GLIS3: variants seen among roughly 807,000 people sequenced by gnomAD.
GLIS3 encodes the protein GLIS family zinc finger 3.
GLIS3 carries 53 observed loss-of-function variants against 78.6 expected under a neutral mutation model. That is an observed-to-expected ratio of 0.67 (90% CI 0.54 to 0.85). The LOEUF (loss-of-function observed/expected upper bound fraction) is 0.85. Among genes scored for constraint, GLIS3 ranks in the 40% least tolerant of loss-of-function variants. The pLI is 0.00. For synonymous variants in GLIS3, 684 were observed against 509.9 expected (o/e 1.34, Z -4.60); for missense variants, 1,703 against 1,231.1 (o/e 1.38, Z -5.74).
intron 2 of GLIS3, among the ~76,000 whole-genome samples, chr9:4,196,746 T>A (rs1818891374): frequency 2.0e-5 from 3 of 152,026 alleles, no homozygotes; most frequent in Admixed American, 2.0e-4. Flanking sequence ...ACCGTGAGGG[T>A]CCGCAGCTTC....
the GLIS3 span, among the ~76,000 whole-genome samples, chr9:4,462,845 A>G: frequency 6.6e-6 from 1 of 152,214 alleles, no homozygotes; most frequent in Non-Finnish European, 1.5e-5. Context: ...CTGGTCCTTC[A>G]TCCCAAATCG....
At chr9:4,239,561 C>T (rs944342444) in intron 2 of GLIS3, among the ~76,000 whole-genome samples, 4 of 152,166 alleles carry the variant, frequency 2.6e-5, no homozygotes, top group African/African-American at 9.7e-5. Context: ...ATCTTGGTAT[C>T]AAGGTTGAGA....
intron 4 of GLIS3, among the ~76,000 whole-genome samples, chr9:4,093,924 G>A (rs1019690940): frequency 6.6e-6 from 1 of 152,186 alleles, no homozygotes; most frequent in Admixed American, 6.5e-5. Context: ...CAGAAACTGT[G>A]GAATTGTAGG....
intron 2 of GLIS3, among the ~76,000 whole-genome samples, chr9:4,249,807 T>C (rs1041487673): frequency 6.6e-6 from 1 of 152,238 alleles, no homozygotes; most frequent in Non-Finnish European, 1.5e-5. Flanking sequence ...ATACCTAGCT[T>C]ATTGAGAGTT....
the GLIS3 span, among the ~76,000 whole-genome samples, chr9:4,469,782 G>C: frequency 1.3e-5 from 2 of 152,060 alleles, no homozygotes; most frequent in African/African-American, 4.8e-5. Context: ...AAATAACTAA[G>C]ATCAGAGCAG....
intron 4 of GLIS3, among the ~76,000 whole-genome samples, chr9:4,050,461 G>GA (rs1825666596): frequency 6.6e-6 from 1 of 152,128 alleles, no homozygotes; most frequent in Admixed American, 6.6e-5. Context: ...GTGGGGGTCT[G>GA]GGGGAGGGAT....
chr9:4,452,383 G>A, the GLIS3 span, among the ~76,000 whole-genome samples: 94 of 152,274 alleles, frequency 6.2e-4, no homozygotes, highest in Non-Finnish European at 1.2e-3. Flanking sequence ...AAGTCAAAAT[G>A]TCTCTGTTTG....
At position 4,228,359 on chromosome 9, in the gene GLIS3, T is replaced by C. The variant is rs12004887; in HGVS notation, c.388+57679A>G. 4.7e-3 allele frequency among the ~76,000 whole-genome samples: 719 copies of C among 152,282 alleles called. 6 individuals carry two copies. Among genetic ancestry groups the C allele is most frequent in the African/African-American group, 0.016 (671 of 41,554 alleles). The stretch of plus-strand genomic sequence containing the variant: ...GGCTGAGCCGGAGAGGGGCTGTCCA[T>C]GCGAATGTAACAGGTGAAGCTCTGA... On this transcript the variant is annotated intron_variant, in intron 2 of 10. Coordinates refer to ENST00000381971, the MANE Select transcript of GLIS3 (RefSeq NM_001042413.2).
At chr9:4,336,048 T>C (rs1011537640) in intron 2 of GLIS3, among the ~76,000 whole-genome samples, 1 of 152,156 alleles carries the variant, frequency 6.6e-6, no homozygotes, top group Non-Finnish European at 1.5e-5. Context: ...GAGTAAGTCA[T>C]TACACCTCTG....
chr9:4,005,494 A>G (rs989181895), intron 4 of GLIS3, among the ~76,000 whole-genome samples: 1 of 152,214 alleles, frequency 6.6e-6, no homozygotes, highest in African/African-American at 2.4e-5. Flanking sequence ...ATGAGTTCAA[A>G]TTCTGATTCT....
At chr9:4,419,451 T>G in the GLIS3 span, among the ~76,000 whole-genome samples, 1 of 151,820 alleles carries the variant, frequency 6.6e-6, no homozygotes, top group Non-Finnish European at 1.5e-5. Flanking sequence ...GAAGGCAAAG[T>G]GGGAGGAGCA....
At chr9:4,146,348 G>A (rs1173991622) in intron 2 of GLIS3, among the ~76,000 whole-genome samples, 2 of 152,134 alleles carry the variant, frequency 1.3e-5, no homozygotes, top group African/African-American at 4.8e-5. Flanking sequence ...ACAATGTGTG[G>A]CATGTAACTC....
Position 4,200,011 on chromosome 9 carries a change from A to G in GLIS3, c.389-74070T>C, listed in dbSNP as rs1211333822. On this transcript the variant is annotated intron_variant, in intron 2 of 10. Transcript: ENST00000381971. The stretch of plus-strand genomic sequence containing the variant: ...GAAATCAATACCAAGAAGACCTCTC[A>G]AAACCACACAATTACATGGAAATTA... Among the ~76,000 whole-genome samples, 4 of 152,204 alleles carry G rather than the reference A, an allele frequency of 2.6e-5. No homozygotes were observed. The East Asian group carries it at 7.7e-4, about 29-fold the overall frequency.
the GLIS3 span, among the ~76,000 whole-genome samples, chr9:4,367,440 C>T: frequency 1.9e-4 from 29 of 152,026 alleles, no homozygotes; most frequent in African/African-American, 6.5e-4. Flanking sequence ...CTAGGTCTTC[C>T]TGCTTGATCC....
chr9:4,323,521 T>C (rs1350081941), intron 2 of GLIS3, among the ~76,000 whole-genome samples: 1 of 152,230 alleles, frequency 6.6e-6, no homozygotes, highest in African/African-American at 2.4e-5. Flanking sequence ...CCTTCCTGCC[T>C]GCAATGCTTT....
rs201504052 is a variant in GLIS3, at chr9:4,084,247, CCTCT to C, written c.1710+33517_1710+33520del. On this transcript the variant is annotated intron_variant, in intron 4 of 10. Coordinates refer to ENST00000381971, the MANE Select transcript of GLIS3 (RefSeq NM_001042413.2). ...ATGTGTAATCTCTCTCTCCTTCCTT[CCTCT>C]CTCTAACACACACACACACACACAC... Among the ~76,000 whole-genome samples, 722 of 118,446 alleles carry C rather than the reference CCTCT, an allele frequency of 6.1e-3. 13 individuals carry two copies. The highest frequency in any genetic ancestry group is 0.038 in the Admixed American group (415 of 10,832). The allele number at this position is 118,446 out of a possible 152,430, so 77.7% of individuals were successfully genotyped here.
chr9:4,068,070 T>C (rs1827256000), intron 4 of GLIS3, among the ~76,000 whole-genome samples: 1 of 152,032 alleles, frequency 6.6e-6, no homozygotes, highest in African/African-American at 2.4e-5. Context: ...GAGAAAAGAC[T>C]CAAAATAAGG....
rs554428382 is a variant in GLIS3 at position 4,067,187 on chromosome 9, G to A, written c.1710+50581C>T. On this transcript the variant is annotated intron_variant, in intron 4 of 10. Transcript: ENST00000381971. The stretch of plus-strand genomic sequence containing the variant: ...TTTTTTTTTAATACTTAACACCTTT[G>A]ACTCGTTAATACTTTATATTAAAAT... 6.0e-5 allele frequency among the ~76,000 whole-genome samples: 9 copies of A among 150,980 alleles called. No individual in the cohort carries two copies. The East Asian group carries it at 1.6e-3, about 26-fold the overall frequency.
intron 8 of GLIS3, among the ~76,000 whole-genome samples, chr9:3,877,587 ACT>A (rs1156358348): frequency 7.9e-5 from 12 of 151,176 alleles, no homozygotes; most frequent in Admixed American, 5.9e-4. Context: ...ACACTACCAC[ACT>A]CTTTTTGTAT....
Sources: gnomAD v4.1 joint callset for allele counts (sites outside exome capture counted in the v4.1 genomes callset) on GRCh38, gnomAD v4.1.1 for gene constraint, MANE v1.5 for transcripts, NCBI Gene and HGNC (gene_info 2026-07-23, HGNC 2026-07-21) for gene names.